Variants in ASTN2 observed in about 807,000 individuals in gnomAD.
ASTN2 encodes the protein astrotactin 2, also known as astrotactin-2.
ASTN2 carries 54 observed loss-of-function variants against 139.8 expected under a neutral mutation model. That is an observed-to-expected ratio of 0.39 (90% CI 0.31 to 0.48). ASTN2 has a LOEUF of 0.48. ASTN2 is among the 20% of genes least tolerant of loss of function. ASTN2 has a pLI of 0.95. For missense variants in ASTN2, 1,565 were observed against 1,725.1 expected, an observed-to-expected ratio of 0.91 and a Z score of 1.64; for synonymous variants, 756 against 719.5, an observed-to-expected ratio of 1.05 and a Z score of -0.81.
At chr9:117,120,020 A>ATG (rs1198206246) in intron 4 of ASTN2, among the ~76,000 whole-genome samples, 1 of 34,484 alleles carries the variant, frequency 2.9e-5, no homozygotes. Context: ...GTGTGTGTGT[A>ATG]TATATATATA....
rs184551976 is a variant in ASTN2, at chr9:116,914,550, A to T, written c.1890-50817T>A. ...TGTGCCAGACACTGTAAAGTGTTTTATTATTATTATTATTATTATTATTTA... is the reference window on the plus strand; with the variant it reads ...TGTGCCAGACACTGTAAAGTGTTTTTTTATTATTATTATTATTATTATTTA... On this transcript the variant is annotated intron_variant, in intron 10 of 22. Coordinates refer to ENST00000313400, the MANE Select transcript of ASTN2 (RefSeq NM_001365068.1). Among the ~76,000 whole-genome samples, 8 of 135,802 alleles carry T rather than the reference A, an allele frequency of 5.9e-5. No homozygotes were observed. The East Asian group carries it at 5.9e-4, about 10-fold the overall frequency. The allele number at this position is 135,802 out of a possible 152,430, so 89.1% of individuals were successfully genotyped here.
intron 1 of ASTN2, among the ~76,000 whole-genome samples, chr9:117,336,238 AAG>A (rs1480448618): frequency 6.6e-6 from 1 of 152,154 alleles, no homozygotes; most frequent in Non-Finnish European, 1.5e-5. Flanking sequence ...CACAGCTCCC[AAG>A]AGACTGTATG....
intron 19 of ASTN2, among the ~76,000 whole-genome samples, chr9:116,515,114 G>GT (rs201959053): frequency 0.012 from 1,883 of 152,248 alleles, 34 homozygotes; most frequent in African/African-American, 0.043. Context: ...GACTGGAGCT[G>GT]TCCTATTCAG....
chr9:116,669,633 G>T (rs1216814923), intron 16 of ASTN2, among the ~76,000 whole-genome samples: 1 of 152,022 alleles, frequency 6.6e-6, no homozygotes, highest in East Asian at 1.9e-4. Context: ...TCTTATTGTT[G>T]AGTTTTAAGA....
chr9:116,565,370 T>TC (rs1853138359), intron 19 of ASTN2, among the ~76,000 whole-genome samples: 1 of 28,022 alleles, frequency 3.6e-5, no homozygotes, highest in Admixed American at 5.8e-4. Flanking sequence ...TCTCTCTCTC[T>TC]CTCTCTCTCT....
chr9:117,382,154 T>C (rs1361839513), intron 1 of ASTN2, among the ~76,000 whole-genome samples: 1 of 152,126 alleles, frequency 6.6e-6, no homozygotes, highest in East Asian at 1.9e-4. Context: ...CAACATGACT[T>C]GGAGGGAGTC....
intron 7 of ASTN2, among the ~76,000 whole-genome samples, chr9:116,982,820 C>A (rs932157275): frequency 2.0e-5 from 3 of 152,136 alleles, no homozygotes; most frequent in African/African-American, 7.2e-5. Context: ...ATGAGATAAT[C>A]CCCGAAGCTG....
At chr9:117,021,472 G>A (rs73657618) in intron 6 of ASTN2, among the ~76,000 whole-genome samples, 7,996 of 152,198 alleles carry the variant, frequency 0.053, 520 homozygotes, top group African/African-American at 0.16. Context: ...ATGGGCATGC[G>A]CAGAGACCCT....
chr9:117,004,716 C>A (rs1264909420), intron 7 of ASTN2, among the ~76,000 whole-genome samples: 1 of 152,112 alleles, frequency 6.6e-6, no homozygotes, highest in African/African-American at 2.4e-5. Flanking sequence ...TGCAAGCCAG[C>A]CAGACTCTTG....
At chr9:117,410,854 G>A (rs981360380) in intron 1 of ASTN2, among the ~76,000 whole-genome samples, 3 of 152,154 alleles carry the variant, frequency 2.0e-5, no homozygotes, top group African/African-American at 7.2e-5. Context: ...CTTTGAGCTG[G>A]AAGGGTCATT....
chr9:117,118,020 G>A lies in ASTN2; in HGVS notation c.1169-21869C>T, dbSNP rs555148513. 7.2e-5 allele frequency among the ~76,000 whole-genome samples: 11 copies of A among 152,114 alleles called. No individual in the cohort carries two copies. The South Asian group carries it at 2.1e-3, about 29-fold the overall frequency. On this transcript the variant is annotated intron_variant, in intron 4 of 22. Coordinates refer to ENST00000313400, the MANE Select transcript of ASTN2 (RefSeq NM_001365068.1). ...ATCCTGACCTCTTCACAAACCCAAC[G>A]AGGAAAAAAGTGCCAGGTTGTTCAA...
intron 1 of ASTN2, among the ~76,000 whole-genome samples, chr9:117,355,138 A>C (rs1370725962): frequency 6.6e-6 from 1 of 152,110 alleles, no homozygotes; most frequent in Non-Finnish European, 1.5e-5. Flanking sequence ...TTGTGAAATG[A>C]CTGTATTTCA....
At chr9:116,793,156 A>G (rs1355190345) in intron 13 of ASTN2, among the ~76,000 whole-genome samples, 1 of 152,222 alleles carries the variant, frequency 6.6e-6, no homozygotes, top group African/African-American at 2.4e-5. Flanking sequence ...TAAAACACAC[A>G]TAACAATTAA....
At chr9:116,959,459 A>G (rs1835816782) in intron 10 of ASTN2, among the ~76,000 whole-genome samples, 2 of 152,148 alleles carry the variant, frequency 1.3e-5, no homozygotes, top group Admixed American at 1.3e-4. Context: ...AAGCGGAGCA[A>G]TGGAAGGGTC....
At chr9:117,074,377 G>A (rs1828218842) in intron 5 of ASTN2, among the ~76,000 whole-genome samples, 1 of 152,166 alleles carries the variant, frequency 6.6e-6, no homozygotes, top group Admixed American at 6.5e-5. Context: ...GAGGGATCAG[G>A]GAAAGCTTCA....
intron 13 of ASTN2, among the ~76,000 whole-genome samples, chr9:116,791,060 A>G (rs1830543331): frequency 6.6e-6 from 1 of 151,922 alleles, no homozygotes; most frequent in African/African-American, 2.4e-5. Context: ...AAAGAAAGAA[A>G]GAAGGAAAGG....
chr9:117,274,662 C>T (rs753501821), intron 2 of ASTN2, among the ~76,000 whole-genome samples: 6 of 152,202 alleles, frequency 3.9e-5, no homozygotes, highest in Non-Finnish European at 7.3e-5. Flanking sequence ...CATGGCACTT[C>T]GTATAGGTGA....
intron 19 of ASTN2, chr9:116,562,348 G>A (rs1320905561): frequency 1.3e-5 from 2 of 151,608 alleles, no homozygotes; most frequent in South Asian, 2.1e-4. Context: ...TATATTCTAC[G>A]GCTCATATAT....
intron 13 of ASTN2, among the ~76,000 whole-genome samples, chr9:116,753,600 A>G (rs1829457233): frequency 6.6e-6 from 1 of 152,244 alleles, no homozygotes; most frequent in Non-Finnish European, 1.5e-5. Context: ...AACTGAAAGG[A>G]AAAGTGGAGA....
Sources: gnomAD v4.1 joint callset for allele counts (sites outside exome capture counted in the v4.1 genomes callset) on GRCh38, gnomAD v4.1.1 for gene constraint, MANE v1.5 for transcripts, NCBI Gene and HGNC (gene_info 2026-07-23, HGNC 2026-07-21) for gene names.